AUTS2: variants seen among roughly 807,000 people sequenced by gnomAD.
The protein encoded by AUTS2 is autism susceptibility gene 2 protein.
In AUTS2, 17 loss-of-function variants were observed where a neutral mutation model predicts 112.4. That is an observed-to-expected ratio of 0.15 (90% CI 0.10 to 0.23). AUTS2 has a LOEUF of 0.23. Ranked by LOEUF, AUTS2 falls within the 10% of genes least tolerant of loss-of-function variation. The pLI is 1.00. For synonymous variants in AUTS2, 751 were observed against 702.7 expected (o/e 1.07, Z -1.09); for missense variants, 1,510 against 1,701.6 (o/e 0.89, Z 1.98).
chr7:69,873,172 G>GA (rs775914008), intron 1 of AUTS2, among the ~76,000 whole-genome samples: 4 of 151,936 alleles, frequency 2.6e-5, no homozygotes, highest in Non-Finnish European at 5.9e-5. Context: ...ATACTTTGAG[G>GA]AAAAAAGATT....
At chr7:70,075,067 C>G (rs940734348) in intron 2 of AUTS2, among the ~76,000 whole-genome samples, 2 of 152,188 alleles carry the variant, frequency 1.3e-5, no homozygotes, top group South Asian at 4.1e-4. Context: ...ACACCTTACC[C>G]TTGCTCATCT....
At chr7:70,192,806 G>C (rs780285042) in intron 4 of AUTS2, among the ~76,000 whole-genome samples, 1 of 152,166 alleles carries the variant, frequency 6.6e-6, no homozygotes, top group East Asian at 1.9e-4. Context: ...CTGATGCTTC[G>C]AATGGAATTT....
At chr7:70,383,044 A>G (rs1001010115) in intron 4 of AUTS2, among the ~76,000 whole-genome samples, 1 of 152,170 alleles carries the variant, frequency 6.6e-6, no homozygotes, top group Non-Finnish European at 1.5e-5. Flanking sequence ...TCATGTTGAT[A>G]TATTCTGATG....
chr7:69,988,652 A>G (rs1356918173), intron 2 of AUTS2, among the ~76,000 whole-genome samples: 1 of 152,208 alleles, frequency 6.6e-6, no homozygotes, highest in African/African-American at 2.4e-5. Context: ...TGAATGAATG[A>G]GTGAATCAAA....
chr7:69,891,832 C>T (rs1344269167), intron 1 of AUTS2, among the ~76,000 whole-genome samples: 1 of 84,974 alleles, frequency 1.2e-5, no homozygotes, highest in African/African-American at 4.4e-5. Context: ...ATCTCTCTGT[C>T]ATCCAGGCTG....
At chr7:70,082,276 G>A (rs1019188781) in intron 2 of AUTS2, among the ~76,000 whole-genome samples, 13 of 152,114 alleles carry the variant, frequency 8.5e-5, no homozygotes, top group Non-Finnish European at 1.6e-4. Flanking sequence ...CATGGTATAT[G>A]GATGATTTAT....
intron 5 of AUTS2, among the ~76,000 whole-genome samples, chr7:70,472,163 G>T (rs893367889): frequency 6.6e-6 from 1 of 152,136 alleles, no homozygotes; most frequent in Non-Finnish European, 1.5e-5. Context: ...TTCACCCTTG[G>T]ATAGTCCTAG....
chr7:69,803,050 A>G (rs1289806869), intron 1 of AUTS2, among the ~76,000 whole-genome samples: 1 of 152,168 alleles, frequency 6.6e-6, no homozygotes, highest in Non-Finnish European at 1.5e-5. Context: ...CAGTTTGTGT[A>G]TGCTTAATAA....
At chr7:70,481,988 C>T (rs1797806163) in intron 5 of AUTS2, among the ~76,000 whole-genome samples, 1 of 152,068 alleles carries the variant, frequency 6.6e-6, no homozygotes, top group Admixed American at 6.5e-5. Context: ...GTTTTATGCT[C>T]CTGGGAGACA....
At chr7:69,965,719 G>A (rs750556733) in intron 2 of AUTS2, among the ~76,000 whole-genome samples, 1 of 152,144 alleles carries the variant, frequency 6.6e-6, no homozygotes, top group African/African-American at 2.4e-5. Flanking sequence ...AGAGAAATTA[G>A]AGGTCTTATT....
chr7:70,088,074 G>A (rs1803704096), intron 2 of AUTS2, among the ~76,000 whole-genome samples: 1 of 149,810 alleles, frequency 6.7e-6, no homozygotes, highest in African/African-American at 2.5e-5. Flanking sequence ...CTAGAGGTCT[G>A]TAAGTTTTAT....
At chr7:69,963,175 G>A (rs530633737) in intron 2 of AUTS2, among the ~76,000 whole-genome samples, 10 of 152,214 alleles carry the variant, frequency 6.6e-5, no homozygotes, top group Non-Finnish European at 1.2e-4. Flanking sequence ...TGCTGCAGAA[G>A]CCTGTTTTGG....
intron 4 of AUTS2, among the ~76,000 whole-genome samples, chr7:70,139,871 T>G (rs1466727083): frequency 5.3e-5 from 8 of 152,000 alleles, no homozygotes. Flanking sequence ...CGTGGTGGCA[T>G]GCACCTGTAA....
chr7:69,803,397 A>G (rs542130333), intron 1 of AUTS2, among the ~76,000 whole-genome samples: 1 of 151,922 alleles, frequency 6.6e-6, no homozygotes, highest in African/African-American at 2.4e-5. Flanking sequence ...ATATAACAAA[A>G]CTCACTGGGT....
rs898403129 is a variant in AUTS2, at chr7:70,134,402, AC to A, written c.625-133del. On this transcript the variant is annotated intron_variant, in intron 3 of 18. Coordinates refer to ENST00000342771, the MANE Select transcript of AUTS2 (RefSeq NM_015570.4). Reference sequence around the variant, plus strand: ...ACGGTGTTTGTATCAGTAGCAGATGACAAGGGGCAGCATACACTGGTGATGT... The same window carrying A: ...ACGGTGTTTGTATCAGTAGCAGATGAAAGGGGCAGCATACACTGGTGATGT... 6 of 709,842 alleles carry A rather than the reference AC, an allele frequency of 8.5e-6. No individual in the cohort carries two copies. The Admixed American group carries it at 9.1e-5, about 11-fold the overall frequency. The allele number at this position is 709,842 out of a possible 1,614,324, so 44.0% of individuals were successfully genotyped here.
chr7:70,439,495 C>T (rs1192454917), intron 5 of AUTS2, among the ~76,000 whole-genome samples: 1 of 145,632 alleles, frequency 6.9e-6, no homozygotes, highest in Non-Finnish European at 1.5e-5. Flanking sequence ...GCCGAGATCG[C>T]ACCATTGCAC....
intron 4 of AUTS2, among the ~76,000 whole-genome samples, chr7:70,434,902 C>T (rs1232352569): frequency 3.9e-5 from 6 of 152,228 alleles, no homozygotes; most frequent in Non-Finnish European, 8.8e-5. Context: ...CCCAGTTTTT[C>T]ATTGAATATT....
intron 4 of AUTS2, among the ~76,000 whole-genome samples, chr7:70,377,274 G>A (rs534732474): frequency 7.4e-6 from 1 of 136,034 alleles, no homozygotes; most frequent in African/African-American, 2.8e-5. Flanking sequence ...CTCAAACTCT[G>A]AGGAGCCAAA....
At chr7:69,602,040 ATGTGTG>A (rs6150156) in intron 1 of AUTS2, among the ~76,000 whole-genome samples, 902 of 45,652 alleles carry the variant, frequency 0.02, 1 homozygote, top group Admixed American at 0.035. Flanking sequence ...ATATATATAT[ATGTGTG>A]TGTGTGTGTG....
Sources: gnomAD v4.1 joint callset for allele counts (sites outside exome capture counted in the v4.1 genomes callset) on GRCh38, gnomAD v4.1.1 for gene constraint, MANE v1.5 for transcripts, NCBI Gene and HGNC (gene_info 2026-07-23, HGNC 2026-07-21) for gene names.